MARCHF1: variants seen among roughly 807,000 people sequenced by gnomAD.
MARCHF1 encodes the protein membrane associated ring-CH-type finger 1, also known as E3 ubiquitin-protein ligase MARCHF1.
A neutral mutation model predicts 54.2 loss-of-function variants in MARCHF1; 40 were observed. The ratio of observed to expected loss-of-function variants is 0.74; its 90% CI spans 0.57 to 0.96. MARCHF1 has a LOEUF of 0.96. Among genes scored for constraint, MARCHF1 ranks in the 40% least tolerant of loss-of-function variants. The pLI is 0.00. For missense variants in MARCHF1, 586 were observed against 656.5 expected (o/e 0.89, Z 1.17); for synonymous variants, 236 against 236.3 (o/e 1.00, Z 0.01).
At chr4:163,620,598 CACACACACAGAGAGAGAGAGAGAG>C (rs1215846829) in intron 5 of MARCHF1, among the ~76,000 whole-genome samples, 32 of 82,868 alleles carry the variant, frequency 3.9e-4, no homozygotes, top group African/African-American at 1.4e-3. Context: ...CACACACACA[CACACACACAGAGAGAGAGAGAGAG>C]AGAGAGAGAG....
intron 2 of MARCHF1, among the ~76,000 whole-genome samples, chr4:164,048,892 A>G (rs373818568): frequency 5.8e-4 from 88 of 152,224 alleles, no homozygotes; most frequent in Non-Finnish European, 1.1e-3. Context: ...TTTACCTATA[A>G]AGGGAAAAAA....
At chr4:164,138,370 T>C (rs1307995012) in intron 1 of MARCHF1, among the ~76,000 whole-genome samples, 1 of 151,982 alleles carries the variant, frequency 6.6e-6, no homozygotes, top group East Asian at 1.9e-4. Flanking sequence ...ATAGGGGAGA[T>C]AAAGGATTTC....
intron 1 of MARCHF1, among the ~76,000 whole-genome samples, chr4:164,245,219 G>T (rs1279460018): frequency 6.6e-6 from 1 of 152,084 alleles, no homozygotes; most frequent in Non-Finnish European, 1.5e-5. Flanking sequence ...ATAAAATACT[G>T]GCAAAATGAA....
intron 5 of MARCHF1, among the ~76,000 whole-genome samples, chr4:163,623,915 T>C (rs558169471): frequency 1.3e-5 from 2 of 152,162 alleles, no homozygotes; most frequent in East Asian, 3.9e-4. Context: ...CTAGAAATAG[T>C]GCCAGAAAGC....
chr4:164,052,153 T>TA (rs1277243077), intron 2 of MARCHF1, among the ~76,000 whole-genome samples: 1 of 151,712 alleles, frequency 6.6e-6, no homozygotes, highest in Non-Finnish European at 1.5e-5. Flanking sequence ...TTTTGTTTTT[T>TA]TTGTATTTTT....
chr4:164,058,229 C>G (rs999460163), intron 2 of MARCHF1, among the ~76,000 whole-genome samples: 2 of 152,036 alleles, frequency 1.3e-5, no homozygotes, highest in African/African-American at 4.8e-5. Context: ...ATGGAACAAA[C>G]CTGCACGTTC....
At chr4:164,188,882 G>T in intron 1 of MARCHF1, 1 of 776,890 alleles carries the variant, frequency 1.3e-6, no homozygotes. Context: ...TACCCATGCA[G>T]TTTTTACCTT....
At chr4:164,177,806 G>GACAC (rs3059817) in intron 1 of MARCHF1, among the ~76,000 whole-genome samples, 3 of 149,202 alleles carry the variant, frequency 2.0e-5, no homozygotes, top group East Asian at 2.0e-4. Flanking sequence ...GTATGAAAGA[G>GACAC]ACACACACAC....
At chr4:163,775,444 G>C (rs985488834) in intron 4 of MARCHF1, among the ~76,000 whole-genome samples, 7 of 152,074 alleles carry the variant, frequency 4.6e-5, no homozygotes, top group Non-Finnish European at 7.4e-5. Context: ...TTAGAACAAA[G>C]CCTATCATGT....
intron 3 of MARCHF1, among the ~76,000 whole-genome samples, chr4:163,867,472 T>C (rs547850811): frequency 1.3e-5 from 2 of 151,798 alleles, no homozygotes; most frequent in South Asian, 4.1e-4. Context: ...TAGTAGAATT[T>C]ACTTATTTTA....
At chr4:163,611,084 T>C (rs1741324404) in intron 7 of MARCHF1, among the ~76,000 whole-genome samples, 1 of 152,060 alleles carries the variant, frequency 6.6e-6, no homozygotes, top group Admixed American at 6.6e-5. Flanking sequence ...ATAATTATAA[T>C]TATATATCAG....
intron 2 of MARCHF1, among the ~76,000 whole-genome samples, chr4:164,006,010 GAATA>G (rs1168404311): frequency 6.6e-6 from 1 of 151,934 alleles, no homozygotes; most frequent in African/African-American, 2.4e-5. Context: ...TAGAAAACTA[GAATA>G]AATTACTAAT....
intron 5 of MARCHF1, among the ~76,000 whole-genome samples, chr4:163,671,026 T>A (rs150338105): frequency 3.5e-4 from 54 of 152,336 alleles, no homozygotes; most frequent in African/African-American, 1.2e-3. Flanking sequence ...GTTCATTTGC[T>A]TGCTGCTTCA....
At chr4:164,003,962 A>G (rs1258824596) in intron 2 of MARCHF1, among the ~76,000 whole-genome samples, 1 of 152,154 alleles carries the variant, frequency 6.6e-6, no homozygotes, top group Non-Finnish European at 1.5e-5. Flanking sequence ...AGCCATAAAA[A>G]GAATGAGATC....
rs1366060116 is a variant in MARCHF1, at chr4:163,988,489, A to T, written c.-39+12T>A. The T allele has an allele frequency of 6.6e-6, 1 of 152,010 alleles. No individual in the cohort carries two copies. Among genetic ancestry groups the T allele is most frequent in the Non-Finnish European group, 1.5e-5 (1 of 68,026 alleles). The allele number at this position is 152,010 out of a possible 1,614,324, so 9.4% of individuals were successfully genotyped here. On this transcript the variant is annotated intron_variant, in intron 3 of 9. Coordinates refer to ENST00000514618, the MANE Select transcript of MARCHF1 (RefSeq NM_001394959.1). ...TGGCTCTCTGATTTTATTAAATTAAACCTCCTCTTACCTCGACTTCCTTGT... is the reference window on the plus strand; with the variant it reads ...TGGCTCTCTGATTTTATTAAATTAATCCTCCTCTTACCTCGACTTCCTTGT...
chr4:163,951,818 G>C (rs1752139317), intron 3 of MARCHF1, among the ~76,000 whole-genome samples: 1 of 152,078 alleles, frequency 6.6e-6, no homozygotes, highest in African/African-American at 2.4e-5. Flanking sequence ...TCAAATATTT[G>C]TTATCTCAAT....
intron 1 of MARCHF1, among the ~76,000 whole-genome samples, chr4:164,335,544 T>G (rs1304604924): frequency 6.8e-6 from 1 of 147,686 alleles, no homozygotes; most frequent in African/African-American, 2.5e-5. Context: ...ATTGTGCCAC[T>G]GCACTCCAGC....
intron 2 of MARCHF1, among the ~76,000 whole-genome samples, chr4:164,046,658 A>G (rs1273802386): frequency 1.3e-5 from 2 of 152,214 alleles, no homozygotes; most frequent in Non-Finnish European, 2.9e-5. Context: ...ATTAATCAAA[A>G]CACAAATACA....
intron 1 of MARCHF1, among the ~76,000 whole-genome samples, chr4:164,265,255 T>C (rs568544440): frequency 7.2e-5 from 11 of 152,264 alleles, no homozygotes; most frequent in African/African-American, 1.9e-4. Flanking sequence ...TTAGTAGGTA[T>C]TGGGAAAATT....
Sources: gnomAD v4.1 joint callset for allele counts (sites outside exome capture counted in the v4.1 genomes callset) on GRCh38, gnomAD v4.1.1 for gene constraint, MANE v1.5 for transcripts, NCBI Gene and HGNC (gene_info 2026-07-23, HGNC 2026-07-21) for gene names.